FOXO1: variants seen among roughly 807,000 people sequenced by gnomAD.
FOXO1 encodes the protein forkhead box protein O1.
FOXO1 carries 6 observed loss-of-function variants against 44.1 expected under a neutral mutation model. The ratio of observed to expected loss-of-function variants is 0.14; its 90% CI spans 0.07 to 0.27. The LOEUF (loss-of-function observed/expected upper bound fraction) is 0.27. Ranked by LOEUF, FOXO1 falls within the 10% of genes least tolerant of loss-of-function variation. The probability of loss-of-function intolerance (pLI) is 1.00; values close to 1 mark genes in which losing one functional copy is unlikely to be tolerated. For synonymous variants in FOXO1, 380 were observed against 362.7 expected (o/e 1.05, Z -0.54); for missense variants, 737 against 888.8 (o/e 0.83, Z 2.17).
rs899560394 is a variant in FOXO1 at position 40,666,588 on chromosome 13, TGGCGGCTGCGGC to T, written c.-388_-377del. The T allele has an allele frequency of 9.7e-6, 2 of 206,778 alleles. No individual in the cohort carries two copies. The highest frequency in any genetic ancestry group is 1.5e-4 in the East Asian group (2 of 13,546). The allele number at this position is 206,778 out of a possible 1,614,324, so 12.8% of individuals were successfully genotyped here. ...CCGCTGCGCTGCTGCCTGTTGAATG[TGGCGGCTGCGGC>T]AGCGGCTGCTGCGACTACCAGGCCG... is the stretch of plus-strand genomic sequence containing the variant. On this transcript the variant is annotated 5_prime_UTR_variant, in exon 1 of 3. Transcript: ENST00000379561.
intron 1 of FOXO1, among the ~76,000 whole-genome samples, chr13:40,588,029 T>A (rs1402273092): frequency 6.6e-6 from 1 of 152,182 alleles, no homozygotes; most frequent in East Asian, 1.9e-4. Context: ...ACTACTGCAT[T>A]ATGCTCCATA....
At chr13:40,665,246 G>A (rs1878188711) in intron 1 of FOXO1, among the ~76,000 whole-genome samples, 1 of 152,158 alleles carries the variant, frequency 6.6e-6, no homozygotes, top group Admixed American at 6.5e-5. Flanking sequence ...GTCGGCGCGG[G>A]CCGGGGGTTG....
Position 40,559,873 on chromosome 13 carries a change from G to T in FOXO1, c.1618C>A (p.Pro540Thr), listed in dbSNP as rs148440850. ...QTSAVNGRPL[P>T]HTVSTMPHTS... ...TGGGGCATGGTGCTTACCGTGTGGG[G>T]CAGGGGACGCCCGTTAACTGCAGAT... Residue 540 changes from proline (P) to threonine (T), a missense_variant, in exon 2 of 3, where the codon CCC becomes ACC. By Grantham distance (38) the Pro-to-Thr change is conservative (BLOSUM62 -1). Transcript: ENST00000379561. 7.4e-6 allele frequency: 12 copies of T among 1,614,040 alleles called. No homozygotes were observed. The highest frequency in any genetic ancestry group is 1.0e-5 in the Non-Finnish European group (12 of 1,180,038).
In FOXO1 at chr13:40,560,546, AGGGCGAAAT is replaced by A; in HGVS notation, c.936_944del (p.Phe313_Pro315del). 6.2e-7 allele frequency: 1 copy of A among 1,614,182 alleles called. No homozygotes were observed. Among genetic ancestry groups the A allele is most frequent in the Non-Finnish European group, 8.5e-7 (1 of 1,180,042 alleles). Reference sequence around the variant, plus strand: ...TAGTACTAGCATTTGAGCTAGTTCGAGGGCGAAATGTACTCCAGTTATCAAAGTCATCAT... The same window carrying A: ...TAGTACTAGCATTTGAGCTAGTTCGAGTACTCCAGTTATCAAAGTCATCAT... On this transcript the variant is annotated inframe_deletion, in exon 2 of 3. Transcript: ENST00000379561. This position sits in a 1 kb window ranked among gnomAD's most constrained non-coding sequence, Gnocchi z 5.1.
intron 1 of FOXO1, among the ~76,000 whole-genome samples, chr13:40,569,265 C>T (rs1249113367): frequency 6.6e-6 from 1 of 152,180 alleles, no homozygotes; most frequent in Admixed American, 6.5e-5. Context: ...CCGGAGGTGC[C>T]GGCTCTGGAG....
At chr13:40,569,167 T>C (rs1370751850) in intron 1 of FOXO1, among the ~76,000 whole-genome samples, 2 of 152,224 alleles carry the variant, frequency 1.3e-5, no homozygotes, top group Admixed American at 1.3e-4. Context: ...TATGCTTGCA[T>C]GTCAAATAGT....
At chr13:40,572,830 C>T (rs1266747689) in intron 1 of FOXO1, among the ~76,000 whole-genome samples, 2 of 152,172 alleles carry the variant, frequency 1.3e-5, no homozygotes, top group African/African-American at 2.4e-5. Context: ...CTCTAAGACA[C>T]AGTAGGTCTG....
intron 1 of FOXO1, among the ~76,000 whole-genome samples, chr13:40,628,846 A>C (rs930976924): frequency 2.6e-5 from 4 of 152,072 alleles, no homozygotes; most frequent in African/African-American, 9.7e-5. Flanking sequence ...TCTGAAACAG[A>C]CTCACCTCTC....
chr13:40,648,975 G>A (rs1258331829), intron 1 of FOXO1, among the ~76,000 whole-genome samples: 1 of 152,196 alleles, frequency 6.6e-6, no homozygotes, highest in Non-Finnish European at 1.5e-5. Context: ...CAGGTCTGCG[G>A]GAAAGTGGCT....
chr13:40,560,657 C>T lies in FOXO1; in HGVS notation c.834G>A (p.Gln278=). 6.2e-7 allele frequency: 1 copy of T among 1,614,208 alleles called. No homozygotes were observed. Among genetic ancestry groups the T allele is most frequent in the Non-Finnish European group, 8.5e-7 (1 of 1,180,044 alleles). Residue 278 remains glutamine, a synonymous_variant, in exon 2 of 3, where the codon CAG becomes CAA. Transcript: ENST00000379561. This position sits in a 1 kb window ranked among gnomAD's most constrained non-coding sequence, Gnocchi z 5.1. ...TGTCCCCAGCACCCTCCTGGCCAGACTGGAGAGATGCTTTCTTCTTGGCAG... is the reference window on the plus strand; with the variant it reads ...TGTCCCCAGCACCCTCCTGGCCAGATTGGAGAGATGCTTTCTTCTTGGCAG... The part of the protein sequence containing the change: ...SRAAKKKASL[Q]SGQEGAGDSP...
At chr13:40,661,085 G>A (rs1878022460) in intron 1 of FOXO1, among the ~76,000 whole-genome samples, 1 of 152,192 alleles carries the variant, frequency 6.6e-6, no homozygotes, top group South Asian at 2.1e-4. Flanking sequence ...GCTCTTGGGA[G>A]TCTGAAATGA....
chr13:40,665,537 G>A, intron 1 of FOXO1, 46 bp downstream of exon 1: 5 of 1,341,186 alleles, frequency 3.7e-6, no homozygotes, highest in Non-Finnish European at 4.9e-6. Context: ...GCCCTCGCCT[G>A]ACCCACCGCG....
intron 1 of FOXO1, among the ~76,000 whole-genome samples, chr13:40,598,594 CACAAGGTCACT>C (rs1875685788): frequency 6.6e-6 from 1 of 152,068 alleles, no homozygotes; most frequent in South Asian, 2.1e-4. Flanking sequence ...ATATGTGGTT[CACAAGGTCACT>C]ACCCACCCAA....
chr13:40,599,377 C>T (rs1875734176), intron 1 of FOXO1, among the ~76,000 whole-genome samples: 1 of 152,174 alleles, frequency 6.6e-6, no homozygotes, highest in Non-Finnish European at 1.5e-5. Flanking sequence ...ATATACTACA[C>T]TATATAATTT....
chr13:40,612,772 GTTA>G (rs1453981929), intron 1 of FOXO1, among the ~76,000 whole-genome samples: 1 of 152,028 alleles, frequency 6.6e-6, no homozygotes, highest in African/African-American at 2.4e-5. Context: ...TTTATTATTA[GTTA>G]TTGTTGTTAA....
At chr13:40,569,584 G>A (rs1480569715) in intron 1 of FOXO1, among the ~76,000 whole-genome samples, 18 of 152,118 alleles carry the variant, frequency 1.2e-4, no homozygotes, top group Non-Finnish European at 1.5e-4. Flanking sequence ...CCTCACAACC[G>A]AGCTGCAATC....
rs1052228146 is a variant in FOXO1, at chr13:40,558,697, T to A, written c.*352A>T. 3 of 397,442 alleles carry A rather than the reference T, an allele frequency of 7.5e-6. No homozygotes were observed. Among genetic ancestry groups the A allele is most frequent in the African/African-American group, 6.2e-5 (3 of 48,612 alleles). 24.6% of individuals were successfully genotyped at this position (397,442 alleles called of 1,614,324 possible). ...AAACCAAAAACACACACAAATACAATCTGTATCTACTGCTTATATACAAAA... is the reference window on the plus strand; with the variant it reads ...AAACCAAAAACACACACAAATACAAACTGTATCTACTGCTTATATACAAAA... On this transcript the variant is annotated 3_prime_UTR_variant, in exon 3 of 3. Coordinates refer to ENST00000379561, the MANE Select transcript of FOXO1 (RefSeq NM_002015.4).
rs368962535 is a variant in FOXO1, at chr13:40,632,758, C to T, written c.630+32825G>A. ...AGGAGTTCAAGACCAGCCTGGCCAA[C>T]ATGGTGAAACCCTGTCTCTACTAAA... On this transcript the variant is annotated intron_variant, in intron 1 of 2. Coordinates refer to ENST00000379561, the MANE Select transcript of FOXO1 (RefSeq NM_002015.4). 1.1e-3 allele frequency among the ~76,000 whole-genome samples: 162 copies of T among 151,614 alleles called. 4 individuals carry two copies. The East Asian group carries it at 0.02, about 18-fold the overall frequency.
At chr13:40,571,641 T>C (rs1874510524) in intron 1 of FOXO1, among the ~76,000 whole-genome samples, 1 of 152,170 alleles carries the variant, frequency 6.6e-6, no homozygotes, top group South Asian at 2.1e-4. Context: ...TACCCATGCT[T>C]TTTGCTGCTT....
Sources: gnomAD v4.1 joint callset for allele counts (sites outside exome capture counted in the v4.1 genomes callset) on GRCh38, gnomAD v4.1.1 for gene constraint, Gnocchi (gnomAD v3.1) non-coding constraint, MANE v1.5 for transcripts, NCBI Gene and HGNC (gene_info 2026-07-23, HGNC 2026-07-21) for gene names.